GABRB1: variants seen among roughly 807,000 people sequenced by gnomAD.
GABRB1 encodes gamma-aminobutyric acid type A receptor subunit beta1.
Under a neutral mutation model 51.6 loss-of-function variants are expected in GABRB1, and 17 were observed. That is an observed-to-expected ratio of 0.33 (90% CI 0.23 to 0.49). GABRB1 has a LOEUF of 0.49. GABRB1 is among the 20% of genes least tolerant of loss of function. The probability of loss-of-function intolerance (pLI) is 0.99; values close to 1 mark genes in which losing one functional copy is unlikely to be tolerated. For synonymous variants in GABRB1, 247 were observed against 218.9 expected, an observed-to-expected ratio of 1.13 and a Z score of -1.14; for missense variants, 410 against 600.6, an observed-to-expected ratio of 0.68 and a Z score of 3.32.
intron 8 of GABRB1, among the ~76,000 whole-genome samples, chr4:47,416,613 G>A (rs1197213089): frequency 3.3e-5 from 5 of 151,794 alleles, no homozygotes; most frequent in East Asian, 1.9e-4. Flanking sequence ...CACCACACCC[G>A]GCTAATTTTT....
intron 4 of GABRB1, among the ~76,000 whole-genome samples, chr4:47,319,040 G>A (rs939324716): frequency 2.6e-5 from 4 of 151,962 alleles, no homozygotes; most frequent in African/African-American, 7.3e-5. Flanking sequence ...TTTATTTAAC[G>A]ATGCATCATG....
At chr4:47,074,717 T>G (rs1213888262) in intron 3 of GABRB1, among the ~76,000 whole-genome samples, 3 of 152,316 alleles carry the variant, frequency 2.0e-5, no homozygotes, top group Non-Finnish European at 1.5e-5. Flanking sequence ...AGATGACTTT[T>G]GAGCCTTACC....
chr4:47,216,403 A>G (rs903629270), intron 4 of GABRB1, among the ~76,000 whole-genome samples: 15 of 151,948 alleles, frequency 9.9e-5, no homozygotes, highest in Non-Finnish European at 2.1e-4. Context: ...GAAAATAGTT[A>G]TCACTGATAT....
rs1165939097 is a variant in GABRB1, at chr4:47,007,866, GTATATATA to G, written c.-20+13961_-20+13968del. 4.4e-4 allele frequency among the ~76,000 whole-genome samples: 22 copies of G among 49,980 alleles called. 1 individual carries two copies. The highest frequency in any genetic ancestry group is 5.3e-4 in the Non-Finnish European group (13 of 24,332). 32.8% of individuals were successfully genotyped at this position (49,980 alleles called of 152,430 possible). On this transcript the variant is annotated intron_variant, in intron 1 of 3. Transcript: ENST00000513567. Reference sequence around the variant, plus strand: ...TTAAAGGACGTATACCTTGGAACTGGTATATATATATATATATATATATATATAAAATC... The same window carrying G: ...TTAAAGGACGTATACCTTGGAACTGGTATATATATATATATATATAAAATC...
chr4:47,375,009 T>C (rs1727330636), intron 5 of GABRB1, among the ~76,000 whole-genome samples: 1 of 152,218 alleles, frequency 6.6e-6, no homozygotes, highest in African/African-American at 2.4e-5. Context: ...CATACTAATT[T>C]TTACCACATG....
At chr4:47,409,368 G>A (rs139458600) in intron 8 of GABRB1, among the ~76,000 whole-genome samples, 2 of 152,182 alleles carry the variant, frequency 1.3e-5, no homozygotes, top group African/African-American at 4.8e-5. Flanking sequence ...GTGGCTCTCA[G>A]TGAGATGAAT....
At chr4:47,388,355 A>C (rs1376384334) in intron 5 of GABRB1, among the ~76,000 whole-genome samples, 4 of 152,168 alleles carry the variant, frequency 2.6e-5, no homozygotes, top group Non-Finnish European at 5.9e-5. Context: ...GCTCTAGAAA[A>C]GTCACTCTGG....
intron 4 of GABRB1, among the ~76,000 whole-genome samples, chr4:47,280,582 C>G (rs979138533): frequency 6.6e-6 from 1 of 151,302 alleles, no homozygotes; most frequent in African/African-American, 2.4e-5. Context: ...AATTTTGACA[C>G]ATTATTTCAG....
At chr4:47,254,260 C>A (rs1261772881) in intron 4 of GABRB1, among the ~76,000 whole-genome samples, 1 of 151,770 alleles carries the variant, frequency 6.6e-6, no homozygotes, top group Non-Finnish European at 1.5e-5. Context: ...CCTGATACCC[C>A]TGTCCCCACC....
intron 4 of GABRB1, among the ~76,000 whole-genome samples, chr4:47,219,747 C>T (rs1404200535): frequency 6.6e-6 from 1 of 151,866 alleles, no homozygotes; most frequent in Non-Finnish European, 1.5e-5. Context: ...TACCTTATTT[C>T]CAAATTCAAA....
At chr4:47,328,677 A>G (rs1725346174) in intron 5 of GABRB1, among the ~76,000 whole-genome samples, 1 of 152,122 alleles carries the variant, frequency 6.6e-6, no homozygotes. Context: ...ACGAAAAACC[A>G]AACACCGCAT....
chr4:47,096,508 A>C (rs1577904643), intron 3 of GABRB1, among the ~76,000 whole-genome samples: 1 of 152,152 alleles, frequency 6.6e-6, no homozygotes, highest in Admixed American at 6.5e-5. Context: ...TCCTGCAGAG[A>C]TGTTCATGCC....
chr4:47,084,777 C>A (rs79345852), intron 3 of GABRB1, among the ~76,000 whole-genome samples: 1 of 152,130 alleles, frequency 6.6e-6, no homozygotes, highest in Admixed American at 6.6e-5. Flanking sequence ...CATAGTGTTC[C>A]TCATCAGAGC....
rs376127135 is a variant in GABRB1, at chr4:47,098,527, G to T, written c.241-62722G>T. On this transcript the variant is annotated intron_variant, in intron 3 of 8. Transcript: ENST00000295454. ...CTTTTGGAAATCAGTGTCCTGATAG[G>T]GTAGTGTATTGAAACTGATTTATAA... is the stretch of plus-strand genomic sequence containing the variant. 2.0e-4 allele frequency among the ~76,000 whole-genome samples: 30 copies of T among 152,094 alleles called. 1 individual carries two copies. Among genetic ancestry groups the T allele is most frequent in the African/African-American group, 6.7e-4 (28 of 41,514 alleles).
At chr4:47,257,011 CCA>C (rs2109871738) in intron 4 of GABRB1, among the ~76,000 whole-genome samples, 1 of 152,254 alleles carries the variant, frequency 6.6e-6, no homozygotes, top group Non-Finnish European at 1.5e-5. Context: ...CACTTCATAT[CCA>C]CTCTCCATTT....
intron 4 of GABRB1, among the ~76,000 whole-genome samples, chr4:47,199,686 T>C (rs1719824687): frequency 6.6e-6 from 1 of 152,098 alleles, no homozygotes; most frequent in Admixed American, 6.6e-5. Context: ...TGGGTAGGTG[T>C]ATGTGGTCTG....
At chr4:47,049,203 A>G (rs66968475) in intron 3 of GABRB1, among the ~76,000 whole-genome samples, 81,651 of 152,038 alleles carry the variant, frequency 0.54, 22,328 homozygotes, top group African/African-American at 0.63. Flanking sequence ...TTGCTAGCAA[A>G]GGCGATTTGT....
At chr4:47,394,733 A>T (rs1007269345) in intron 5 of GABRB1, among the ~76,000 whole-genome samples, 5 of 142,616 alleles carry the variant, frequency 3.5e-5, no homozygotes, top group African/African-American at 1.3e-4. Context: ...TCATCACATT[A>T]AAAAAAAAAA....
rs79937555 is a variant in GABRB1 at position 47,403,596 on chromosome 4, G to A, written c.720G>A (p.Lys240=). 1.2e-6 allele frequency: 2 copies of A among 1,613,998 alleles called. No homozygotes were observed. ...YPRLSLSFRL[K]RNIGYFILQT... ...GACTGTCACTAAGTTTTCGTCTAAA[G>A]AGAAACATTGGTTACTTCATTTTGC... The change falls in exon 7 of 9, where the codon AAG becomes AAA. Residue 240 remains lysine, a synonymous_variant. Coordinates refer to ENST00000295454, the MANE Select transcript of GABRB1 (RefSeq NM_000812.4).
Sources: gnomAD v4.1 joint callset for allele counts (sites outside exome capture counted in the v4.1 genomes callset) on GRCh38, gnomAD v4.1.1 for gene constraint, MANE v1.5 for transcripts, NCBI Gene and HGNC (gene_info 2026-07-23, HGNC 2026-07-21) for gene names.